The following SCLT1 variants were observed in gnomAD, a reference collection of about 807,000 sequenced individuals.
SCLT1 encodes the protein sodium channel and clathrin linker 1, also known as sodium channel-associated protein 1.
SCLT1 carries 78 observed loss-of-function variants against 112.8 expected under a neutral mutation model. The observed-to-expected ratio is 0.69, with a 90% CI of 0.58 to 0.83. The LOEUF is 0.83. SCLT1 is among the 40% of genes least tolerant of loss of function. SCLT1 has a pLI of 0.00. For missense variants in SCLT1, 747 were observed against 770.4 expected, an observed-to-expected ratio of 0.97 and a Z score of 0.36; for synonymous variants, 257 against 254.7, an observed-to-expected ratio of 1.01 and a Z score of -0.09.
intron 20 of SCLT1, among the ~76,000 whole-genome samples, chr4:128,887,246 C>A (rs1294251996): frequency 6.6e-6 from 1 of 152,132 alleles, no homozygotes; most frequent in Non-Finnish European, 1.5e-5. Context: ...TAAATACATT[C>A]TTGCATAATT....
At position 128,970,391 on chromosome 4, in the gene SCLT1, T is replaced by C. The variant is rs200804651; in HGVS notation, c.764A>G (p.Gln255Arg). Residue 255 changes from glutamine to arginine, a missense_variant, in exon 10 of 21, where the codon CAG becomes CGG. Transcript: ENST00000281142. ...LTNVTEDLQG[Q>R]MKKKEKDVVS... is the part of the protein sequence containing the mutation. Reference sequence around the variant, plus strand: ...AATAGAAAATACCTTCTTTTTCATCTGTCCCTGCAGATCTTCAGTCACATT... The same window carrying C: ...AATAGAAAATACCTTCTTTTTCATCCGTCCCTGCAGATCTTCAGTCACATT... The C allele has an allele frequency of 1.3e-6, 2 of 1,580,042 alleles. No individual in the cohort carries two copies. The highest frequency in any genetic ancestry group is 1.7e-6 in the Non-Finnish European group (2 of 1,149,990).
intron 12 of SCLT1, among the ~76,000 whole-genome samples, chr4:128,958,760 T>G (rs1159305611): frequency 6.6e-6 from 1 of 152,164 alleles, no homozygotes; most frequent in African/African-American, 2.4e-5. Flanking sequence ...ATGAAAATAT[T>G]AGTTGAAAGG....
chr4:129,055,792 C>T (rs549811484), intron 2 of SCLT1, among the ~76,000 whole-genome samples: 32 of 151,556 alleles, frequency 2.1e-4, no homozygotes, highest in African/African-American at 4.6e-4. Context: ...AATTCTGTCT[C>T]GCTGGGGTTC....
intron 5 of SCLT1, among the ~76,000 whole-genome samples, chr4:129,020,635 C>A (rs995773736): frequency 6.6e-6 from 1 of 152,152 alleles, no homozygotes; most frequent in Non-Finnish European, 1.5e-5. Context: ...GCCATATGAA[C>A]TGGTAAGAGG....
chr4:129,075,984 C>G (rs1408560050), intron 2 of SCLT1, among the ~76,000 whole-genome samples: 1 of 152,112 alleles, frequency 6.6e-6, no homozygotes, highest in Non-Finnish European at 1.5e-5. Flanking sequence ...TCTTCATTTT[C>G]TGTCCCAGCT....
chr4:128,973,275 G>GT (rs1740851262), intron 9 of SCLT1, among the ~76,000 whole-genome samples: 1 of 152,092 alleles, frequency 6.6e-6, no homozygotes, highest in Non-Finnish European at 1.5e-5. Context: ...TTGTGGAACT[G>GT]TGAGTTCATA....
At chr4:129,078,262 G>T (rs900570168) in intron 2 of SCLT1, among the ~76,000 whole-genome samples, 1 of 152,198 alleles carries the variant, frequency 6.6e-6, no homozygotes, top group Non-Finnish European at 1.5e-5. Flanking sequence ...CATAATGCAG[G>T]TGCATCTGAA....
chr4:128,979,755 T>A (rs889148275), intron 9 of SCLT1, among the ~76,000 whole-genome samples: 1 of 152,154 alleles, frequency 6.6e-6, no homozygotes, highest in East Asian at 1.9e-4. Context: ...TCAATTAAAA[T>A]ATATTTTGAA....
At chr4:128,931,742 G>A (rs1348544947) in intron 18 of SCLT1, among the ~76,000 whole-genome samples, 2 of 152,184 alleles carry the variant, frequency 1.3e-5, no homozygotes, top group Non-Finnish European at 2.9e-5. Context: ...GATTACAGGC[G>A]TGAGCCACCG....
At chr4:129,004,683 C>T (rs1743838414) in intron 5 of SCLT1, among the ~76,000 whole-genome samples, 1 of 151,854 alleles carries the variant, frequency 6.6e-6, no homozygotes, top group East Asian at 1.9e-4. Flanking sequence ...CATCCATCTA[C>T]CTAAAACATT....
At chr4:129,067,192 T>A (rs1263053184) in intron 2 of SCLT1, among the ~76,000 whole-genome samples, 1 of 151,902 alleles carries the variant, frequency 6.6e-6, no homozygotes, top group Admixed American at 6.6e-5. Flanking sequence ...ACTTAATAAA[T>A]CTTAATAAAT....
At chr4:128,922,614 C>G (rs1286108278) in intron 18 of SCLT1, among the ~76,000 whole-genome samples, 1 of 152,096 alleles carries the variant, frequency 6.6e-6, no homozygotes, top group South Asian at 2.1e-4. Context: ...TATACATGGA[C>G]ACAAAGAAGG....
intron 20 of SCLT1, among the ~76,000 whole-genome samples, chr4:128,885,031 T>C (rs1468783264): frequency 1.3e-5 from 2 of 152,206 alleles, no homozygotes; most frequent in African/African-American, 4.8e-5. Context: ...AAATAAGACA[T>C]TCTATAGCTC....
At chr4:128,897,326 C>T (rs1046242976) in intron 18 of SCLT1, among the ~76,000 whole-genome samples, 21 of 152,088 alleles carry the variant, frequency 1.4e-4, no homozygotes, top group African/African-American at 3.9e-4. Flanking sequence ...GCTGATCTCT[C>T]GGCAGAAACT....
chr4:129,041,502 G>A (rs1171955744), intron 4 of SCLT1, among the ~76,000 whole-genome samples: 1 of 152,144 alleles, frequency 6.6e-6, no homozygotes, highest in Non-Finnish European at 1.5e-5. Flanking sequence ...ACATATCAAT[G>A]CATTAATTGA....
chr4:128,987,040 T>C (rs1016057237), intron 9 of SCLT1, among the ~76,000 whole-genome samples: 52 of 152,204 alleles, frequency 3.4e-4, no homozygotes, highest in African/African-American at 1.2e-3. Context: ...AGCAAGTCTG[T>C]GTATGTAGGA....
chr4:128,940,175 AAAAG>A (rs559009440), intron 17 of SCLT1, among the ~76,000 whole-genome samples: 15 of 152,258 alleles, frequency 9.9e-5, no homozygotes, highest in African/African-American at 3.4e-4. Flanking sequence ...CATTATAAAA[AAAAG>A]AAAGCAAAAC....
intron 4 of SCLT1, chr4:129,041,807 A>ACGATCT (rs1194078769): frequency 2.0e-5 from 3 of 152,176 alleles, no homozygotes; most frequent in Non-Finnish European, 2.9e-5. Context: ...GTGCAGTGGC[A>ACGATCT]CGATCTCGGC....
Position 128,948,536 on chromosome 4 carries a change from A to G in SCLT1, c.1253T>C (p.Val418Ala). Residue 418 changes from valine (V) to alanine (A), a missense_variant, in exon 15 of 21, where the codon GTC becomes GCC. Around this residue, in one of 2 missense-constraint regions of SCLT1, gnomAD observed 723 missense variants for 721.3 expected, o/e 1.00. Transcript: ENST00000281142. ...TTCCACTGCTTTTTTTTCCTTAATG[A>G]CTCGTTCAATTTGGCCTTGTTTTTC... Reference protein sequence around the residue: ...CAEKQGQIERVIKEKKAVEEE... With the variant: ...CAEKQGQIERAIKEKKAVEEE... 1.2e-6 allele frequency: 2 copies of G among 1,603,600 alleles called. No individual in the cohort carries two copies. The highest frequency in any genetic ancestry group is 1.7e-6 in the Non-Finnish European group (2 of 1,172,924).
Sources: gnomAD v4.1 joint callset for allele counts (sites outside exome capture counted in the v4.1 genomes callset) on GRCh38, gnomAD v4.1.1 for gene constraint, gnomAD v4.1.1 regional missense constraint, MANE v1.5 for transcripts, NCBI Gene and HGNC (gene_info 2026-07-23, HGNC 2026-07-21) for gene names.